The following MAP3K8 variants were observed in gnomAD, a reference collection of about 807,000 sequenced individuals.
The protein encoded by MAP3K8 is Ewing sarcoma transformant.
A neutral mutation model predicts 45.8 loss-of-function variants in MAP3K8; 22 were observed. That is an observed-to-expected ratio of 0.48 (90% CI 0.34 to 0.69). MAP3K8 has a LOEUF of 0.69. Ranked by LOEUF, MAP3K8 falls within the 30% of genes least tolerant of loss-of-function variation. The pLI is 0.01. For synonymous variants in MAP3K8, 223 were observed against 214.3 expected (o/e 1.04, Z -0.36); for missense variants, 419 against 585.0 (o/e 0.72, Z 2.93).
intron 6 of MAP3K8, among the ~76,000 whole-genome samples, chr10:30,453,360 C>T (rs1444064714): frequency 6.6e-6 from 1 of 152,008 alleles, no homozygotes; most frequent in Non-Finnish European, 1.5e-5. Flanking sequence ...CTCTTTGAGC[C>T]TAGGAATTCT....
intron 4 of MAP3K8, among the ~76,000 whole-genome samples, chr10:30,448,723 C>T (rs1016150920): frequency 7.9e-5 from 12 of 152,044 alleles, no homozygotes; most frequent in African/African-American, 1.9e-4. Flanking sequence ...TAAGCCACCG[C>T]GCCCTGCCCT....
intron 3 of MAP3K8, 70 bp from the exon 4 acceptor site, chr10:30,447,712 A>G (rs571884849): frequency 1.7e-6 from 2 of 1,153,546 alleles, no homozygotes; most frequent in East Asian, 4.7e-5. Context: ...CCAGCTTCCT[A>G]ATAGGTGGGT....
chr10:30,450,495 A>C lies in MAP3K8; in HGVS notation c.742A>C (p.Lys248Gln), dbSNP rs1836498734. Residue 248 changes from lysine (K) to glutamine (Q), a missense_variant, in exon 5 of 9, where the codon AAA becomes CAA. Physicochemically the swap from Lys to Gln is moderately conservative, Grantham distance 53. Around this residue, in one of 3 missense-constraint regions of MAP3K8, gnomAD observed 209 missense variants for 367.3 expected, o/e 0.57. Coordinates refer to ENST00000263056, the MANE Select transcript of MAP3K8 (RefSeq NM_005204.4). The part of the protein sequence containing the change: ...LKGLDFLHSK[K>Q]VIHHDIKPSN... ...GGGACTTGATTTTCTACACTCAAAG[A>C]AAGTGATCCATCATGATATTAAACG... 6.2e-7 allele frequency: 1 copy of C among 1,614,028 alleles called. No individual in the cohort carries two copies. The highest frequency in any genetic ancestry group is 1.7e-5 in the Admixed American group (1 of 60,002).
intron 4 of MAP3K8, among the ~76,000 whole-genome samples, chr10:30,448,901 G>A (rs8177003): frequency 6.6e-6 from 1 of 152,054 alleles, no homozygotes; most frequent in African/African-American, 2.4e-5. Flanking sequence ...AAGCTATGTG[G>A]TAGCATGTTC....
In MAP3K8 at chr10:30,450,338, C is replaced by T. The variant is rs777369971; in HGVS notation, c.585C>T (p.Gly195=). The T allele has an allele frequency of 4.3e-5, 69 of 1,613,974 alleles. No homozygotes were observed. Among genetic ancestry groups the T allele is most frequent in the Admixed American group, 1.0e-4 (6 of 59,970 alleles). Residue 195 remains glycine (G), a synonymous_variant, in exon 5 of 9, where the codon GGC becomes GGT. Coordinates refer to ENST00000263056, the MANE Select transcript of MAP3K8 (RefSeq NM_005204.4). ...ACGAGAACATCGCAGAGCTGTATGGCGCAGTCCTGTGGGGTGAAACTGTCC... is the reference window on the plus strand; with the variant it reads ...ACGAGAACATCGCAGAGCTGTATGGTGCAGTCCTGTGGGGTGAAACTGTCC... ...FRHENIAELY[G]AVLWGETVHL...
chr10:30,449,236 T>C (rs1017602431), intron 4 of MAP3K8, among the ~76,000 whole-genome samples: 2 of 152,104 alleles, frequency 1.3e-5, no homozygotes, highest in South Asian at 4.1e-4. Flanking sequence ...GACATCTGTG[T>C]GTTTTTTCTG....
At chr10:30,437,973 C>T (rs1835967274) in intron 2 of MAP3K8, among the ~76,000 whole-genome samples, 1 of 152,190 alleles carries the variant, frequency 6.6e-6, no homozygotes, top group Non-Finnish European at 1.5e-5. Flanking sequence ...GTAACAACGT[C>T]AGTTTTTACC....
chr10:30,458,804 G>A (rs1836834152), intron 7 of MAP3K8, among the ~76,000 whole-genome samples: 1 of 152,212 alleles, frequency 6.6e-6, no homozygotes, highest in African/African-American at 2.4e-5. Flanking sequence ...GCCAAGCACG[G>A]TGGCTCACGC....
At chr10:30,457,665 A>T (rs1297271007) in intron 6 of MAP3K8, among the ~76,000 whole-genome samples, 2 of 151,988 alleles carry the variant, frequency 1.3e-5, no homozygotes, top group Admixed American at 1.3e-4. Flanking sequence ...TTGTTTTTTG[A>T]GACTGAGTCT....
intron 3 of MAP3K8, among the ~76,000 whole-genome samples, chr10:30,441,102 A>G (rs1825715578): frequency 6.6e-6 from 1 of 152,136 alleles, no homozygotes; most frequent in African/African-American, 2.4e-5. Flanking sequence ...AAATGTTGTC[A>G]TTACCTGCTG....
rs1588764369 is a variant in MAP3K8, at chr10:30,438,815, G to A, written c.-23-101G>A. The stretch of plus-strand genomic sequence containing the variant: ...CAGAACCCTCGTTTTCTGAACAAAA[G>A]CATATAAAATCCTGTTGCCAATCCT... On this transcript the variant is annotated intron_variant, in intron 2 of 8. Transcript: ENST00000263056. The A allele has an allele frequency of 6.1e-6, 4 of 659,838 alleles. No homozygotes were observed. In the East Asian group the frequency reaches 1.1e-4, roughly 18 times the overall value. 40.9% of individuals were successfully genotyped at this position (659,838 alleles called of 1,614,324 possible).
At chr10:30,458,530 T>G (rs184532618) in intron 7 of MAP3K8, among the ~76,000 whole-genome samples, 2 of 152,376 alleles carry the variant, frequency 1.3e-5, no homozygotes, top group East Asian at 3.9e-4. Flanking sequence ...AGCATAAATA[T>G]TTCAGCAAAG....
At chr10:30,445,167 C>T (rs1427021360) in intron 3 of MAP3K8, among the ~76,000 whole-genome samples, 2 of 152,056 alleles carry the variant, frequency 1.3e-5, no homozygotes, top group Non-Finnish European at 2.9e-5. Flanking sequence ...GAGGCCGAGG[C>T]GGGTGGATCA....
chr10:30,439,336 A>C, intron 3 of MAP3K8, 62 bp downstream of exon 3: 1 of 1,595,172 alleles, frequency 6.3e-7, no homozygotes, highest in Non-Finnish European at 8.6e-7. Flanking sequence ...AGCTTCATTT[A>C]ATGCAGAGTG....
At chr10:30,458,265 C>CGGTGGGGGGGG in intron 7 of MAP3K8, 29 bp downstream of exon 7, 1 of 405,656 alleles carries the variant, frequency 2.5e-6, no homozygotes, top group Non-Finnish European at 3.7e-6. Context: ...GGGCTGGGGG[C>CGGTGGGGGGGG]GGCGGGGGGG....
At chr10:30,458,268 C>G (rs940318532) in intron 7 of MAP3K8, 32 bp downstream of exon 7, 20,711 of 433,322 alleles carry the variant, frequency 0.048, 33 homozygotes, top group Non-Finnish European at 0.063. Context: ...CTGGGGGCGG[C>G]GGGGGGGGGC....
Position 30,450,173 on chromosome 10 carries a change from T to G in MAP3K8, c.505-85T>G. The stretch of plus-strand genomic sequence containing the variant: ...TATTCTTGAGGGCATTTATTTGCCT[T>G]TTGTTTTTTGCATTGACCTATATTT... On this transcript the variant is annotated intron_variant, in intron 4 of 8. Coordinates refer to ENST00000263056, the MANE Select transcript of MAP3K8 (RefSeq NM_005204.4). 3 of 1,349,098 alleles carry G rather than the reference T, an allele frequency of 2.2e-6. No individual in the cohort carries two copies. In the South Asian group the frequency reaches 4.3e-5, roughly 19 times the overall value. 83.6% of individuals were successfully genotyped at this position (1,349,098 alleles called of 1,614,324 possible). A position where few individuals can be genotyped will look rare whatever the true frequency, so the allele number is the denominator to read the frequency against.
chr10:30,452,498 T>A (rs1193927173), intron 6 of MAP3K8, among the ~76,000 whole-genome samples: 2 of 151,194 alleles, frequency 1.3e-5, no homozygotes, highest in African/African-American at 2.4e-5. Context: ...CTCAGTGTGG[T>A]GGTACACGCC....
intron 3 of MAP3K8, among the ~76,000 whole-genome samples, chr10:30,443,671 T>C (rs1836197742): frequency 6.6e-6 from 1 of 152,226 alleles, no homozygotes; most frequent in Admixed American, 6.5e-5. Context: ...ATCGATACCA[T>C]GTCTGTTTCA....
Sources: allele counts gnomAD v4.1 joint callset (sites outside exome capture counted in the v4.1 genomes callset), GRCh38; gene constraint gnomAD v4.1.1; regional missense constraint gnomAD v4.1.1; transcripts MANE v1.5; gene names NCBI Gene and HGNC (gene_info 2026-07-23, HGNC 2026-07-21).